The following PRUNE2 variants were observed in gnomAD, a reference collection of about 807,000 sequenced individuals.
PRUNE2 encodes the protein prune homolog 2 with BCH domain, also known as protein prune homolog 2.
PRUNE2 carries 164 observed loss-of-function variants against 252.0 expected under a neutral mutation model. The ratio of observed to expected loss-of-function variants is 0.65; its 90% CI spans 0.57 to 0.74. The LOEUF is 0.74. Ranked by LOEUF, PRUNE2 falls within the 30% of genes least tolerant of loss-of-function variation. The pLI is 0.00. For missense variants in PRUNE2, 3,495 were observed against 3,711.0 expected, an observed-to-expected ratio of 0.94 and a Z score of 1.51; for synonymous variants, 1,292 against 1,350.2, an observed-to-expected ratio of 0.96 and a Z score of 0.94.
At chr9:76,679,868 T>C (rs750855505) in intron 9 of PRUNE2, among the ~76,000 whole-genome samples, 1 of 152,086 alleles carries the variant, frequency 6.6e-6, no homozygotes, top group Non-Finnish European at 1.5e-5. Context: ...TTGCTCAAAA[T>C]GGATTAGCAA....
At chr9:76,743,662 TGTTAATA>T (rs2049853929) in intron 6 of PRUNE2, among the ~76,000 whole-genome samples, 1 of 152,234 alleles carries the variant, frequency 6.6e-6, no homozygotes, top group South Asian at 2.1e-4. Context: ...TTTGACATAC[TGTTAATA>T]GGAAAAAGAA....
chr9:76,749,565 A>G (rs2050429115), intron 6 of PRUNE2, among the ~76,000 whole-genome samples: 1 of 152,236 alleles, frequency 6.6e-6, no homozygotes, highest in Admixed American at 6.5e-5. Context: ...CCTTGCGTGT[A>G]ACCGTTAGAG....
chr9:76,799,835 G>A (rs1010819966), intron 6 of PRUNE2, among the ~76,000 whole-genome samples: 1 of 152,146 alleles, frequency 6.6e-6, no homozygotes, highest in Non-Finnish European at 1.5e-5. Flanking sequence ...ACTCAAATAT[G>A]ACAGGAACAA....
intron 6 of PRUNE2, chr9:76,778,476 C>T (rs1048938775): frequency 1.3e-5 from 2 of 152,200 alleles, no homozygotes; most frequent in Non-Finnish European, 2.9e-5. Context: ...ACTACTGAAA[C>T]GATGGGATGG....
At chr9:76,635,084 C>G (rs1839420359) in intron 15 of PRUNE2, among the ~76,000 whole-genome samples, 1 of 152,146 alleles carries the variant, frequency 6.6e-6, no homozygotes, top group African/African-American at 2.4e-5. Context: ...ATTCTCCTGC[C>G]TCAGCCTCCC....
intron 9 of PRUNE2, among the ~76,000 whole-genome samples, chr9:76,698,446 A>T (rs1396351143): frequency 2.6e-5 from 4 of 152,234 alleles, no homozygotes; most frequent in Admixed American, 2.6e-4. Flanking sequence ...GTCAGTGCTA[A>T]GTTTGTTCTT....
chr9:76,857,226 C>G, intron 1 of PRUNE2: 1 of 438,606 alleles, frequency 2.3e-6, no homozygotes, highest in South Asian at 1.6e-5. Flanking sequence ...CACCCCCATC[C>G]ATCAAAATGT....
chr9:76,746,738 A>C lies in PRUNE2; in HGVS notation c.757-33017T>G, dbSNP rs2050158524. Among the ~76,000 whole-genome samples, 8 of 123,674 alleles carry C rather than the reference A, an allele frequency of 6.5e-5. 1 individual carries two copies. The highest frequency in any genetic ancestry group is 4.2e-4 in the Admixed American group (5 of 11,896). The allele number at this position is 123,674 out of a possible 152,430, so 81.1% of individuals were successfully genotyped here. On this transcript the variant is annotated intron_variant, in intron 6 of 18. Transcript: ENST00000376718. ...AAAAAAAAAAAAAAAAAAAAAAAAA[A>C]AAACCCCAAAGAGCAGGATTTGGGG...
chr9:76,710,362 C>T lies in PRUNE2; in HGVS notation c.1912G>A (p.Ala638Thr), dbSNP rs2046631099. The stretch of plus-strand genomic sequence containing the variant: ...GGCCCCATGTGACCTGTGTCAGTTG[C>T]TTTTTGGGTCATATCTTCTGTATAG... ...SLYTEDMTQK[A>T]TDTGHMGPPQ... is the part of the protein sequence containing the mutation. Residue 638 changes from alanine to threonine, a missense_variant, in exon 8 of 19, where the codon GCA becomes ACA. Physicochemically the swap from Ala to Thr is moderately conservative, Grantham distance 58 (BLOSUM62 0). Transcript: ENST00000376718. 6.2e-7 allele frequency: 1 copy of T among 1,613,978 alleles called. No homozygotes were observed. The highest frequency in any genetic ancestry group is 1.1e-5 in the South Asian group (1 of 91,084).
At position 76,611,872 on chromosome 9, in the gene PRUNE2, A is replaced by C. The variant is rs1827546928; in HGVS notation, c.*2698T>G. 1 of 152,618 alleles carries C rather than the reference A, an allele frequency of 6.6e-6. No individual in the cohort carries two copies. The highest frequency in any genetic ancestry group is 1.5e-5 in the Non-Finnish European group (1 of 68,032). 9.5% of individuals were successfully genotyped at this position (152,618 alleles called of 1,614,324 possible). A position where few individuals can be genotyped will look rare whatever the true frequency, so the allele number is the denominator to read the frequency against. ...CTTAATCAAGGAGCTTTGAGAAACA[A>C]TGCTTTTGCCCCAATGACCCCTTGG... On this transcript the variant is annotated 3_prime_UTR_variant, in exon 19 of 19. Transcript: ENST00000376718.
At chr9:76,835,119 A>T (rs1280587772) in intron 4 of PRUNE2, among the ~76,000 whole-genome samples, 1 of 152,198 alleles carries the variant, frequency 6.6e-6, no homozygotes, top group Non-Finnish European at 1.5e-5. Context: ...AAGAAAGCAA[A>T]CACAATATTC....
intron 1 of PRUNE2, among the ~76,000 whole-genome samples, chr9:76,873,924 A>G (rs12342344): frequency 0.16 from 24,444 of 152,240 alleles, 5,857 homozygotes; most frequent in African/African-American, 0.52. Context: ...CCATATGCTT[A>G]TAAATGTTAT....
chr9:76,868,485 C>G (rs1050781792), intron 1 of PRUNE2, among the ~76,000 whole-genome samples: 1 of 152,122 alleles, frequency 6.6e-6, no homozygotes, highest in South Asian at 2.1e-4. Flanking sequence ...AAGGTGCATA[C>G]GGGAGGACCA....
chr9:76,818,399 T>C (rs538878889), intron 6 of PRUNE2, among the ~76,000 whole-genome samples: 6 of 152,338 alleles, frequency 3.9e-5, no homozygotes, highest in African/African-American at 1.4e-4. Flanking sequence ...TGGGAATTCA[T>C]TCTGGTCTGT....
intron 12 of PRUNE2, among the ~76,000 whole-genome samples, chr9:76,642,992 C>T (rs943806462): frequency 5.9e-5 from 9 of 152,202 alleles, no homozygotes; most frequent in Middle Eastern, 6.8e-3. Context: ...AGAATGGAGA[C>T]GAGCAAATGG....
chr9:76,723,661 G>A (rs550776128), intron 6 of PRUNE2, among the ~76,000 whole-genome samples: 13 of 152,270 alleles, frequency 8.5e-5, no homozygotes, highest in Middle Eastern at 3.4e-3. Context: ...GAAAAACCAA[G>A]AGTTCTTCAA....
chr9:76,906,092 G>T lies in PRUNE2; in HGVS notation c.-129C>A. On this transcript the variant is annotated 5_prime_UTR_variant, in exon 1 of 19. Coordinates refer to ENST00000376718, the MANE Select transcript of PRUNE2 (RefSeq NM_015225.3). ...CAGCGACCGACTGCTCCCTCCTGCC[G>T]CTCTGAGGCGGCTGCGGCGGAGGCT... The T allele has an allele frequency of 1.0e-6, 1 of 995,094 alleles. No individual in the cohort carries two copies. The highest frequency in any genetic ancestry group is 1.6e-6 in the Non-Finnish European group (1 of 631,432). The allele number at this position is 995,094 out of a possible 1,614,324, so 61.6% of individuals were successfully genotyped here.
At chr9:76,870,051 T>C (rs577674639) in intron 1 of PRUNE2, among the ~76,000 whole-genome samples, 186 of 152,354 alleles carry the variant, frequency 1.2e-3, no homozygotes, top group Non-Finnish European at 2.3e-3. Context: ...AATGCTGTTA[T>C]AGTAGAAGAA....
chr9:76,806,796 G>A (rs532469510), intron 6 of PRUNE2, among the ~76,000 whole-genome samples: 26 of 151,904 alleles, frequency 1.7e-4, no homozygotes, highest in African/African-American at 6.3e-4. Context: ...GGGATTACAG[G>A]CGTGAGCCAC....
Sources: allele counts gnomAD v4.1 joint callset (sites outside exome capture counted in the v4.1 genomes callset), GRCh38; gene constraint gnomAD v4.1.1; transcripts MANE v1.5; gene names NCBI Gene and HGNC (gene_info 2026-07-23, HGNC 2026-07-21).